TFAP2A: variants seen among roughly 807,000 people sequenced by gnomAD.
The protein encoded by TFAP2A is transcription factor AP-2 alpha.
In TFAP2A, 7 loss-of-function variants were observed where a neutral mutation model predicts 41.5. The ratio of observed to expected loss-of-function variants is 0.17; its 90% CI spans 0.10 to 0.32. The LOEUF (loss-of-function observed/expected upper bound fraction) is 0.32. Among genes scored for constraint, TFAP2A ranks in the 10% least tolerant of loss-of-function variants. The pLI, the probability that TFAP2A is intolerant of heterozygous loss-of-function variation, is 1.00. For synonymous variants in TFAP2A, 247 were observed against 242.8 expected (o/e 1.02, Z -0.16); for missense variants, 416 against 563.3 (o/e 0.74, Z 2.65).
chr6:10,400,811 T>A (rs1432689041), intron 5 of TFAP2A: 2 of 688,274 alleles, frequency 2.9e-6, no homozygotes, highest in Non-Finnish European at 5.3e-6. Context: ...CAAGAAGACT[T>A]GAAAATGAAA....
upstream of TFAP2A, among the ~76,000 whole-genome samples, chr6:10,419,163 G>C (rs1758344386): frequency 6.6e-6 from 1 of 152,152 alleles, no homozygotes; most frequent in Non-Finnish European, 1.5e-5. Flanking sequence ...GGCCACCTGT[G>C]GAGCGTGCGC....
At chr6:10,415,199 GA>G, upstream of TFAP2A, 1 of 1,488,594 alleles carries the variant, frequency 6.7e-7, no homozygotes, top group Non-Finnish European at 8.9e-7. Context: ...AGGGCGAGGA[GA>G]AGGGCGAGGA....
At chr6:10,402,730 A>C in intron 4 of TFAP2A, 120 bp from the exon 5 acceptor site, 4 of 782,030 alleles carry the variant, frequency 5.1e-6, no homozygotes, top group Non-Finnish European at 8.8e-6. Flanking sequence ...GCTTGGCCCC[A>C]AGACATTTAA....
At chr6:10,418,337 A>T (rs17635655), upstream of TFAP2A, 27,185 of 152,268 alleles carry the variant, frequency 0.18, 3,314 homozygotes, top group Admixed American at 0.27. Flanking sequence ...CCTAAATCTG[A>T]AACAAGAGAA....
intron 6 of TFAP2A, among the ~76,000 whole-genome samples, chr6:10,399,581 A>G (rs1331721980): frequency 6.6e-6 from 1 of 152,008 alleles, no homozygotes; most frequent in Non-Finnish European, 1.5e-5. Context: ...GGGGCTGGGG[A>G]GGGGGATGAA....
intron 2 of TFAP2A, 156 bp downstream of exon 2, chr6:10,409,745 C>CATTAAAAA: frequency 1.1e-6 from 1 of 927,820 alleles, no homozygotes; most frequent in South Asian, 1.6e-5. Flanking sequence ...TGTGGTTCCT[C>CATTAAAAA]AAAACGTCCC....
chr6:10,404,254 G>A (rs1435190051), intron 4 of TFAP2A, among the ~76,000 whole-genome samples: 1 of 152,304 alleles, frequency 6.6e-6, no homozygotes, highest in South Asian at 2.1e-4. Flanking sequence ...CGAGCGCGCG[G>A]CAGCGAACGA....
chr6:10,415,036 T>A lies in TFAP2A; in HGVS notation c.-45A>T, dbSNP rs1020933243. The A allele has an allele frequency of 1.9e-6, 3 of 1,613,716 alleles. No homozygotes were observed. The highest frequency in any genetic ancestry group is 2.5e-6 in the Non-Finnish European group (3 of 1,179,956). On this transcript the variant is annotated 5_prime_UTR_variant, in exon 1 of 7. Transcript: ENST00000379613. ...TGCCCCTCTCGGTCTCGCACCCAAG[T>A]GGAGCTACTCTCTGGGTGAGCGCAA...
rs1179579897 is a variant in TFAP2A, at chr6:10,414,836, G to A, written c.51+105C>T. The A allele has an allele frequency of 4.0e-6, 6 of 1,493,732 alleles. No individual in the cohort carries two copies. In the Admixed American group the frequency reaches 5.0e-5, roughly 13 times the overall value. The allele number at this position is 1,493,732 out of a possible 1,614,324, so 92.5% of individuals were successfully genotyped here. Reference sequence around the variant, plus strand: ...ACGGGCGCTGCGCTGGGGAAAGTTTGTCCCACCCGCGTTTCGCAGCTGGTT... The same window carrying A: ...ACGGGCGCTGCGCTGGGGAAAGTTTATCCCACCCGCGTTTCGCAGCTGGTT... On this transcript the variant is annotated intron_variant, in intron 1 of 6. Coordinates refer to ENST00000379613, the MANE Select transcript of TFAP2A (RefSeq NM_001372066.1).
In TFAP2A at chr6:10,400,450, T is replaced by C. The variant is rs1561705463; in HGVS notation, c.1029A>G (p.Thr343=). The C allele has an allele frequency of 6.2e-7, 1 of 1,614,250 alleles. No individual in the cohort carries two copies. The highest frequency in any genetic ancestry group is 8.5e-7 in the Non-Finnish European group (1 of 1,180,052). Reference sequence around the variant, plus strand: ...CCCCATAGAGGTAAATGCCTTACTTTGTAGCCAGGAGCATGTTTTTTCTTG... The same window carrying C: ...CCCCATAGAGGTAAATGCCTTACTTCGTAGCCAGGAGCATGTTTTTTCTTG... The part of the protein sequence containing the change: ...QVTRKNMLLA[T]KQICKEFTDL... The change falls in exon 6 of 7, where the codon ACA becomes ACG. Residue 343 remains threonine (T), a splice_region_variant and synonymous_variant. Transcript: ENST00000379613.
chr6:10,417,367 T>C (rs998072253), upstream of TFAP2A, among the ~76,000 whole-genome samples: 4 of 152,190 alleles, frequency 2.6e-5, no homozygotes, highest in Non-Finnish European at 5.9e-5. Context: ...GAGGTGCAGA[T>C]TGGGACCTGC....
At chr6:10,415,149 AAGGAGGAGGAGGAGGAAGAGGAGGGCG>A (rs1358377787), upstream of TFAP2A, 9 of 1,511,586 alleles carry the variant, frequency 6.0e-6, no homozygotes, top group South Asian at 2.4e-5. Flanking sequence ...GGAGGAGGGC[AAGGAGGAGGAGGAGGAAGAGGAGGGCG>A]AGGAGGAGGA....
chr6:10,399,076 T>A (rs1029591591), intron 6 of TFAP2A, among the ~76,000 whole-genome samples: 5 of 152,176 alleles, frequency 3.3e-5, no homozygotes, highest in African/African-American at 1.2e-4. Flanking sequence ...AACAGTAGCA[T>A]CTTGCGAACA....
At chr6:10,408,144 A>G (rs1757796988) in intron 2 of TFAP2A, among the ~76,000 whole-genome samples, 1 of 152,238 alleles carries the variant, frequency 6.6e-6, no homozygotes, top group Non-Finnish European at 1.5e-5. Flanking sequence ...TGATTTTCTT[A>G]AATATTTAGC....
rs2113994544 is a variant in TFAP2A at position 10,397,677 on chromosome 6, A to T, written c.*740T>A. The T allele has an allele frequency of 4.5e-6, 1 of 223,298 alleles. No homozygotes were observed. The allele number at this position is 223,298 out of a possible 1,614,324, so 13.8% of individuals were successfully genotyped here. A position where few individuals can be genotyped will look rare whatever the true frequency, so the allele number is the denominator to read the frequency against. On this transcript the variant is annotated 3_prime_UTR_variant, in exon 7 of 7. Transcript: ENST00000379613. ...CAGATAAATAAAAAAAAAAAGGCTT[A>T]AAACAGACTCACCATATTTACAATT...
At chr6:10,408,893 T>G (rs920011861) in intron 2 of TFAP2A, among the ~76,000 whole-genome samples, 1 of 152,272 alleles carries the variant, frequency 6.6e-6, no homozygotes, top group Non-Finnish European at 1.5e-5. Flanking sequence ...TGCTGCAATA[T>G]TTGATGCAGT....
chr6:10,399,458 A>C (rs1761921474), intron 6 of TFAP2A, among the ~76,000 whole-genome samples: 1 of 152,202 alleles, frequency 6.6e-6, no homozygotes, highest in Non-Finnish European at 1.5e-5. Flanking sequence ...GGGGAAAGAG[A>C]AAGTTGAAAT....
chr6:10,404,685 T>A lies in TFAP2A; in HGVS notation c.593A>T (p.Asn198Ile). 1.2e-6 allele frequency: 2 copies of A among 1,614,100 alleles called. No homozygotes were observed. The highest frequency in any genetic ancestry group is 1.7e-6 in the Non-Finnish European group (2 of 1,180,000). ...CACGCCGCCGAAGAGGTTGTCCTTG[T>A]TAATAGGGATGGCGGAGACGGCATT... ...NSNAVSAIPINKDNLFGGVVN... is the reference protein window; with the variant it reads ...NSNAVSAIPIIKDNLFGGVVN... The change falls in exon 4 of 7, where the codon AAC (asparagine) becomes ATC (isoleucine). Residue 198 changes from asparagine (N) to isoleucine (I), a missense_variant. By Grantham distance (149) the Asn-to-Ile change is moderately radical. Around this residue, in one of 3 missense-constraint regions of TFAP2A, gnomAD observed 241 missense variants for 274.1 expected, o/e 0.88. Transcript: ENST00000379613.
upstream of TFAP2A, chr6:10,416,425 GT>G (rs1758244104): frequency 1.9e-5 from 2 of 106,076 alleles, no homozygotes; most frequent in African/African-American, 9.8e-5. Flanking sequence ...TTTTTTTTAA[GT>G]AAGAAAAAAA....
Sources: gnomAD v4.1 joint callset for allele counts (sites outside exome capture counted in the v4.1 genomes callset) on GRCh38, gnomAD v4.1.1 for gene constraint, gnomAD v4.1.1 regional missense constraint, MANE v1.5 for transcripts, NCBI Gene and HGNC (gene_info 2026-07-23, HGNC 2026-07-21) for gene names.